The following NCAPG variants were observed in gnomAD, a reference collection of about 807,000 sequenced individuals.
NCAPG encodes non-SMC condensin I complex subunit G.
Under a neutral mutation model 113.1 loss-of-function variants are expected in NCAPG, and 69 were observed. The ratio of observed to expected loss-of-function variants is 0.61; its 90% confidence interval spans 0.50 to 0.75. The LOEUF (loss-of-function observed/expected upper bound fraction) is 0.75, where lower values mean the gene tolerates loss of function less well. Ranked by LOEUF, NCAPG falls within the 30% of genes least tolerant of loss-of-function variation. The pLI is 0.00. For missense variants in NCAPG, 1,058 were observed against 1,177.0 expected (o/e 0.90, Z 1.48); for synonymous variants, 370 against 415.8 (o/e 0.89, Z 1.34).
At chr4:17,826,864 T>G (rs967372157) in intron 11 of NCAPG, among the ~76,000 whole-genome samples, 1 of 152,250 alleles carries the variant, frequency 6.6e-6, no homozygotes, top group African/African-American at 2.4e-5. Flanking sequence ...GAGGATACTT[T>G]TTCTGTGGTA....
At chr4:17,825,178 A>G (rs773905623) in intron 10 of NCAPG, 121 bp downstream of exon 10, 29 of 810,266 alleles carry the variant, frequency 3.6e-5, no homozygotes, top group Middle Eastern at 2.4e-4. Flanking sequence ...TTTAATTGTT[A>G]AACTATAAGA....
chr4:17,837,857 C>A, intron 16 of NCAPG, 56 bp downstream of exon 16: 1 of 1,588,924 alleles, frequency 6.3e-7, no homozygotes, highest in South Asian at 1.1e-5. Context: ...TAATCTCTCT[C>A]AAAGATCCCT....
intron 6 of NCAPG, 148 bp downstream of exon 6, chr4:17,817,601 A>T: frequency 1.5e-6 from 1 of 683,838 alleles, no homozygotes; most frequent in Non-Finnish European, 2.4e-6. Flanking sequence ...ATATCCTTTT[A>T]TCCTTCCTTT....
chr4:17,840,105 A>C lies in NCAPG; in HGVS notation c.2663A>C (p.Glu888Ala). The change falls in exon 18 of 21, where the codon GAG becomes GCG. Residue 888 changes from glutamate (E) to alanine (A), a missense_variant. Glu to Ala is a moderately radical substitution (Grantham distance 107). Transcript: ENST00000251496. ...VKDRTCLRAL[E>A]KIKIQLEKGN... ...GATAGGACATGTCTGAGAGCTTTGG[A>C]GAAAATCAAGATTCAGTTAGAAAAA... 1 of 1,611,490 alleles carries C rather than the reference A, an allele frequency of 6.2e-7. No homozygotes were observed.
chr4:17,816,127 T>C (rs999864451), intron 5 of NCAPG, among the ~76,000 whole-genome samples: 5 of 152,108 alleles, frequency 3.3e-5, no homozygotes, highest in African/African-American at 4.8e-5. Context: ...ATCGATTTCA[T>C]GGAAGACAGT....
chr4:17,843,627 G>T lies in NCAPG; in HGVS notation c.*202G>T. On this transcript the variant is annotated 3_prime_UTR_variant, in exon 21 of 21. Coordinates refer to ENST00000251496, the MANE Select transcript of NCAPG (RefSeq NM_022346.5). ...GTCCAGAAAAAGTGTGCATCAGTCA[G>T]TCACACAGATTTATCACAATCTGAG... is the stretch of plus-strand genomic sequence containing the variant. The T allele has an allele frequency of 2.4e-6, 1 of 421,714 alleles. No homozygotes were observed. Among genetic ancestry groups the T allele is most frequent in the Non-Finnish European group, 4.4e-6 (1 of 229,756 alleles). The allele number at this position is 421,714 out of a possible 1,614,324, so 26.1% of individuals were successfully genotyped here. A position where few individuals can be genotyped will look rare whatever the true frequency, so the allele number is the denominator to read the frequency against.
In NCAPG at chr4:17,842,559, G is replaced by A. The variant is rs565838918; in HGVS notation, c.2924+180G>A. 2.6e-4 allele frequency: 143 copies of A among 550,920 alleles called. 1 individual carries two copies. Among genetic ancestry groups the A allele is most frequent in the Non-Finnish European group, 4.0e-4 (121 of 304,926 alleles). 34.1% of individuals were successfully genotyped at this position (550,920 alleles called of 1,614,324 possible). On this transcript the variant is annotated intron_variant, in intron 20 of 20. Coordinates refer to ENST00000251496, the MANE Select transcript of NCAPG (RefSeq NM_022346.5). ...TCATCAAGAGCATTTGACTTCTTAC[G>A]GCGTGTTTGCTTTTGCCTATTAGCT...
At chr4:17,826,133 G>C (rs1356400657) in intron 11 of NCAPG, among the ~76,000 whole-genome samples, 1 of 152,016 alleles carries the variant, frequency 6.6e-6, no homozygotes, top group Non-Finnish European at 1.5e-5. Flanking sequence ...CTCTTAAATG[G>C]AGTATGTCTT....
chr4:17,837,120 T>C, intron 14 of NCAPG, 39 bp from the exon 15 acceptor site: 7 of 1,582,918 alleles, frequency 4.4e-6, no homozygotes, highest in Non-Finnish European at 5.2e-6. Flanking sequence ...AAAAAGGAGA[T>C]ACAAATAAAT....
Position 17,844,808 on chromosome 4 carries a change from GT to G in NCAPG, c.*1386del, listed in dbSNP as rs1462440290. The G allele has an allele frequency of 6.6e-6, 1 of 152,298 alleles. No homozygotes were observed. Among genetic ancestry groups the G allele is most frequent in the Non-Finnish European group, 1.5e-5 (1 of 67,874 alleles). 9.4% of individuals were successfully genotyped at this position (152,298 alleles called of 1,614,324 possible). A position where few individuals can be genotyped will look rare whatever the true frequency, so the allele number is the denominator to read the frequency against. ...AAGAAAGGAGCCATGTTCTCATGTG[GT>G]TTACCATACCAAAGCTTGCTTTCTC... On this transcript the variant is annotated 3_prime_UTR_variant, in exon 21 of 21. Transcript: ENST00000251496.
chr4:17,817,756 C>T (rs908960956), intron 6 of NCAPG, among the ~76,000 whole-genome samples, 183 bp from the exon 7 acceptor site: 18 of 152,032 alleles, frequency 1.2e-4, no homozygotes, highest in African/African-American at 4.1e-4. Context: ...TATATGTTTG[C>T]TTATTTGGTT....
At chr4:17,842,231 TTTAG>T in intron 19 of NCAPG, 75 bp from the exon 20 acceptor site, 1 of 1,222,330 alleles carries the variant, frequency 8.2e-7, no homozygotes, top group Non-Finnish European at 1.2e-6. Context: ...AGACAAAGGA[TTTAG>T]TTAGCCTAGA....
rs961878124 is a variant in NCAPG, at chr4:17,811,161, G to A, written c.84G>A (p.Val28=). 6.6e-7 allele frequency: 1 copy of A among 1,512,884 alleles called. No individual in the cohort carries two copies. The highest frequency in any genetic ancestry group is 2.8e-5 in the East Asian group (1 of 36,132). The allele number at this position is 1,512,884 out of a possible 1,614,324, so 93.7% of individuals were successfully genotyped here. A position where few individuals can be genotyped will look rare whatever the true frequency, so the allele number is the denominator to read the frequency against. The part of the protein sequence containing the change: ...QQPHQNQAKL[V]VALSRTYRTM... ...CGCACCAGAACCAGGCGAAGCTGGT[G>A]GTGGCGCTGAGCCGCACCTACCGCA... The change falls in exon 1 of 21, where the codon GTG becomes GTA. Residue 28 remains valine (V), a synonymous_variant. Coordinates refer to ENST00000251496, the MANE Select transcript of NCAPG (RefSeq NM_022346.5). This position sits in a 1 kb window ranked among gnomAD's most constrained non-coding sequence, Gnocchi z 5.3.
At chr4:17,824,283 T>G (rs1721570341) in intron 9 of NCAPG, among the ~76,000 whole-genome samples, 2 of 152,304 alleles carry the variant, frequency 1.3e-5, no homozygotes, top group Admixed American at 6.5e-5. Context: ...ACTATAATAC[T>G]ATTTCAGTGT....
intron 10 of NCAPG, among the ~76,000 whole-genome samples, 154 bp from the exon 11 acceptor site, chr4:17,825,228 T>C (rs984767279): frequency 6.6e-6 from 1 of 152,108 alleles, no homozygotes; most frequent in Non-Finnish European, 1.5e-5. Flanking sequence ...CTCAGAGATA[T>C]GCAGATCTCT....
At chr4:17,840,466 C>A (rs75225952) in intron 18 of NCAPG, 141 bp from the exon 19 acceptor site, 1 of 598,586 alleles carries the variant, frequency 1.7e-6, no homozygotes. Flanking sequence ...TTCAAATTTT[C>A]GAAAGGGTGA....
intron 11 of NCAPG, among the ~76,000 whole-genome samples, chr4:17,827,093 G>C (rs1721683327): frequency 6.6e-6 from 1 of 152,144 alleles, no homozygotes; most frequent in African/African-American, 2.4e-5. Context: ...AATTATGGAA[G>C]GAATGTTGTA....
intron 13 of NCAPG, among the ~76,000 whole-genome samples, chr4:17,833,036 C>G (rs1721923892): frequency 6.6e-6 from 1 of 151,958 alleles, no homozygotes; most frequent in Non-Finnish European, 1.5e-5. Context: ...TTCTAAAAGC[C>G]AAGTTATAGA....
intron 9 of NCAPG, 125 bp downstream of exon 9, chr4:17,823,895 T>C (rs1721556026): frequency 1.4e-6 from 1 of 702,006 alleles, no homozygotes; most frequent in South Asian, 1.9e-5. Context: ...TAATGAGTTT[T>C]AAAATTTCTT....
Sources: allele counts gnomAD v4.1 joint callset (sites outside exome capture counted in the v4.1 genomes callset), GRCh38; gene constraint gnomAD v4.1.1; non-coding constraint Gnocchi (gnomAD v3.1); transcripts MANE v1.5; gene names NCBI Gene and HGNC (gene_info 2026-07-23, HGNC 2026-07-21).